The following MED13L variants were observed in gnomAD, a reference collection of about 807,000 sequenced individuals.
The protein encoded by MED13L is mediator of RNA polymerase II transcription subunit 13-like.
In MED13L, 7 loss-of-function variants were observed where a neutral mutation model predicts 220.9. The ratio of observed to expected loss-of-function variants is 0.03; its 90% CI spans 0.02 to 0.06. The LOEUF is 0.06. Among genes scored for constraint, MED13L ranks in the 10% least tolerant of loss-of-function variants. The probability of loss-of-function intolerance (pLI) is 1.00; values close to 1 mark genes in which losing one functional copy is unlikely to be tolerated. For missense variants in MED13L, 1,965 were observed against 2,760.5 expected (o/e 0.71, Z 6.46); for synonymous variants, 1,011 against 1,015.2 (o/e 1.00, Z 0.08).
At chr12:116,221,421 CATTCAAGTTAAT>C (rs1317525644) in intron 2 of MED13L, among the ~76,000 whole-genome samples, 1 of 150,450 alleles carries the variant, frequency 6.6e-6, no homozygotes. Flanking sequence ...CCCTGAAATT[CATTCAAGTTAAT>C]ATTCTGAAAG....
intron 1 of MED13L, among the ~76,000 whole-genome samples, chr12:116,239,458 A>G (rs1870413502): frequency 6.6e-6 from 1 of 152,208 alleles, no homozygotes; most frequent in Non-Finnish European, 1.5e-5. Flanking sequence ...TTAAAGTTGG[A>G]ACCATATTGC....
intron 2 of MED13L, among the ~76,000 whole-genome samples, chr12:116,148,051 C>CAAAAAAAAAAAAAAAAAAAA (rs10678970): frequency 3.9e-4 from 7 of 18,140 alleles, no homozygotes; most frequent in Non-Finnish European, 4.7e-4. Context: ...GACCCCATCT[C>CAAAAAAAAAAAAAAAAAAAA]AAAAAAAAAA....
chr12:116,120,475 T>TCACACACACA (rs1280509373), intron 2 of MED13L, among the ~76,000 whole-genome samples: 3 of 91,690 alleles, frequency 3.3e-5, no homozygotes, highest in African/African-American at 8.7e-5. Context: ...TCTCTCTCTC[T>TCACACACACA]CTCACACACA....
chr12:116,252,880 G>A (rs950157984), intron 1 of MED13L, among the ~76,000 whole-genome samples: 9 of 152,156 alleles, frequency 5.9e-5, no homozygotes, highest in Middle Eastern at 6.8e-3. Context: ...CAATTTTTGT[G>A]CCAATAAATA....
intron 29 of MED13L, among the ~76,000 whole-genome samples, chr12:115,965,132 T>C (rs1234041231): frequency 2.0e-5 from 3 of 152,210 alleles, no homozygotes. Flanking sequence ...TTTCTGAAAA[T>C]ATACACAGCT....
intron 8 of MED13L, 26 bp from the exon 9 acceptor site, chr12:116,012,927 T>G (rs553710147): frequency 1.3e-6 from 2 of 1,519,316 alleles, no homozygotes; most frequent in African/African-American, 2.7e-5. Flanking sequence ...ATGTGACTTA[T>G]GTGTGAACAT....
At chr12:116,196,058 G>T (rs1227180598) in intron 2 of MED13L, among the ~76,000 whole-genome samples, 1 of 151,874 alleles carries the variant, frequency 6.6e-6, no homozygotes, top group Non-Finnish European at 1.5e-5. Flanking sequence ...AAGGTTCAAT[G>T]ATATATTTAA....
intron 4 of MED13L, among the ~76,000 whole-genome samples, chr12:116,043,161 C>T (rs2137550798): frequency 6.6e-6 from 1 of 152,204 alleles, no homozygotes; most frequent in East Asian, 1.9e-4. Context: ...TTCTATCCCC[C>T]TCTCCCATTT....
intron 7 of MED13L, among the ~76,000 whole-genome samples, chr12:116,018,461 T>C (rs1879861774): frequency 6.6e-6 from 1 of 152,230 alleles, no homozygotes; most frequent in African/African-American, 2.4e-5. Context: ...TTTACTCTAA[T>C]GTTCCTGCCA....
chr12:116,011,815 G>A (rs958347181), intron 9 of MED13L, among the ~76,000 whole-genome samples: 5 of 152,186 alleles, frequency 3.3e-5, no homozygotes, highest in East Asian at 3.9e-4. Flanking sequence ...GGCAGAGCTC[G>A]ATAAAGAATC....
At chr12:116,003,370 C>T (rs1201775193) in intron 13 of MED13L, among the ~76,000 whole-genome samples, 1 of 152,054 alleles carries the variant, frequency 6.6e-6, no homozygotes, top group African/African-American at 2.4e-5. Flanking sequence ...TTCTTCCCTC[C>T]CAAGTCAATT....
At chr12:116,015,002 C>T (rs1286265549) in intron 8 of MED13L, 107 bp downstream of exon 8, 1 of 1,037,304 alleles carries the variant, frequency 9.6e-7, no homozygotes, top group African/African-American at 1.6e-5. Context: ...CCAATGATGA[C>T]CTCTCAAGTT....
intron 2 of MED13L, among the ~76,000 whole-genome samples, chr12:116,231,364 T>C (rs1370518523): frequency 6.6e-6 from 1 of 152,140 alleles, no homozygotes; most frequent in Non-Finnish European, 1.5e-5. Flanking sequence ...GGACACAACA[T>C]CACCTACTCA....
chr12:116,254,331 T>G (rs1256434352), intron 1 of MED13L, among the ~76,000 whole-genome samples: 1 of 152,092 alleles, frequency 6.6e-6, no homozygotes, highest in Admixed American at 6.5e-5. Context: ...GTACGTTTTT[T>G]AAAATCCAAG....
At chr12:116,078,350 AATTTCTACATAATC>A (rs929150604) in intron 4 of MED13L, among the ~76,000 whole-genome samples, 4 of 152,150 alleles carry the variant, frequency 2.6e-5, no homozygotes, top group Non-Finnish European at 4.4e-5. Flanking sequence ...TTCTACATAT[AATTTCTACATAATC>A]ATTTCTACAT....
Position 115,968,927 on chromosome 12 carries a change from A to C in MED13L, c.6225+13T>G. Reference sequence around the variant, plus strand: ...ATGGTTGTCTTAAACAACGTACTCCAAATCATCCTTACCCGACTATGCTGG... The same window carrying C: ...ATGGTTGTCTTAAACAACGTACTCCCAATCATCCTTACCCGACTATGCTGG... On this transcript the variant is annotated intron_variant, in intron 28 of 30. Transcript: ENST00000281928. 6.2e-7 allele frequency: 1 copy of C among 1,613,958 alleles called. No homozygotes were observed. The highest frequency in any genetic ancestry group is 8.5e-7 in the Non-Finnish European group (1 of 1,179,894).
chr12:116,066,072 C>T (rs1015923610), intron 4 of MED13L, among the ~76,000 whole-genome samples: 4 of 152,144 alleles, frequency 2.6e-5, no homozygotes, highest in Admixed American at 1.3e-4. Flanking sequence ...GCTATCAAGT[C>T]GGATTCAGTC....
chr12:116,014,722 A>C (rs1449175967), intron 8 of MED13L, among the ~76,000 whole-genome samples: 1 of 152,150 alleles, frequency 6.6e-6, no homozygotes, highest in African/African-American at 2.4e-5. Context: ...ACAATAGTAA[A>C]TCAGCAAGGA....
chr12:116,104,717 G>A (rs1263776548), intron 3 of MED13L, among the ~76,000 whole-genome samples: 1 of 152,148 alleles, frequency 6.6e-6, no homozygotes, highest in Non-Finnish European at 1.5e-5. Flanking sequence ...TCTCTTGTAT[G>A]CAAAGCAATC....
Sources: gnomAD v4.1 joint callset for allele counts (sites outside exome capture counted in the v4.1 genomes callset) on GRCh38, gnomAD v4.1.1 for gene constraint, MANE v1.5 for transcripts, NCBI Gene and HGNC (gene_info 2026-07-23, HGNC 2026-07-21) for gene names.